The following GRM8 variants were observed in gnomAD, a reference collection of about 807,000 sequenced individuals.
GRM8 encodes the protein glutamate metabotropic receptor 8.
A neutral mutation model predicts 87.2 loss-of-function variants in GRM8; 47 were observed. The observed-to-expected ratio is 0.54, with a 90% CI of 0.43 to 0.69. GRM8 has a LOEUF of 0.69. Ranked by LOEUF, GRM8 falls within the 30% of genes least tolerant of loss-of-function variation. The pLI, the probability that GRM8 is intolerant of heterozygous loss-of-function variation, is 0.00. For missense variants in GRM8, 1,019 were observed against 1,139.2 expected, an observed-to-expected ratio of 0.89 and a Z score of 1.52; for synonymous variants, 396 against 404.5, an observed-to-expected ratio of 0.98 and a Z score of 0.25.
chr7:127,118,324 T>C (rs1459650322), intron 2 of GRM8: 1 of 152,040 alleles, frequency 6.6e-6, no homozygotes. Flanking sequence ...TGACTCAGAG[T>C]CCTTTATTCC....
chr7:126,955,752 AT>A (rs754784462), intron 3 of GRM8, among the ~76,000 whole-genome samples: 1 of 152,110 alleles, frequency 6.6e-6, no homozygotes, highest in East Asian at 1.9e-4. Flanking sequence ...CATTTTAATG[AT>A]TTTTTTCTGC....
chr7:127,172,496 G>A (rs1793868932), intron 2 of GRM8, among the ~76,000 whole-genome samples: 1 of 151,994 alleles, frequency 6.6e-6, no homozygotes, highest in African/African-American at 2.4e-5. Flanking sequence ...TTTGAGGTCA[G>A]GAGTTCAAGA....
chr7:126,830,617 A>G (rs2130399765), intron 6 of GRM8, among the ~76,000 whole-genome samples: 1 of 152,180 alleles, frequency 6.6e-6, no homozygotes, highest in South Asian at 2.1e-4. Flanking sequence ...AATTTTTTTC[A>G]AAGTTTTCAA....
At chr7:126,918,922 G>T (rs1223627160) in intron 3 of GRM8, among the ~76,000 whole-genome samples, 1 of 152,072 alleles carries the variant, frequency 6.6e-6, no homozygotes, top group African/African-American at 2.4e-5. Context: ...ATGACAAAAG[G>T]ATAACAATTT....
intron 8 of GRM8, among the ~76,000 whole-genome samples, chr7:126,566,400 T>C (rs1794219657): frequency 1.3e-5 from 2 of 152,164 alleles, no homozygotes; most frequent in South Asian, 4.1e-4. Context: ...GATCTACAAA[T>C]GGACAATAGC....
intron 3 of GRM8, among the ~76,000 whole-genome samples, chr7:127,055,489 A>T (rs1015909176): frequency 3.3e-5 from 5 of 152,184 alleles, no homozygotes; most frequent in African/African-American, 1.2e-4. Flanking sequence ...TTAAGTCACT[A>T]GTGGGAGCTT....
chr7:127,072,976 T>TCCTTTAC (rs1821871490), intron 3 of GRM8, among the ~76,000 whole-genome samples: 1 of 121,346 alleles, frequency 8.2e-6, no homozygotes. Flanking sequence ...CATCCTCGCT[T>TCCTTTAC]CCTTTTCCCT....
At chr7:126,964,200 A>C (rs911720951) in intron 3 of GRM8, among the ~76,000 whole-genome samples, 1 of 152,202 alleles carries the variant, frequency 6.6e-6, no homozygotes, top group African/African-American at 2.4e-5. Flanking sequence ...TAAGACCTAA[A>C]ACCATAAAAA....
At chr7:126,528,941 T>C (rs1435596743) in intron 9 of GRM8, among the ~76,000 whole-genome samples, 1 of 152,180 alleles carries the variant, frequency 6.6e-6, no homozygotes, top group Non-Finnish European at 1.5e-5. Context: ...CCTACACTCT[T>C]CTGCCCCTAA....
intron 7 of GRM8, among the ~76,000 whole-genome samples, chr7:126,677,688 G>T (rs1340443719): frequency 1.3e-5 from 2 of 152,070 alleles, no homozygotes; most frequent in Non-Finnish European, 1.5e-5. Flanking sequence ...AGACATTGGA[G>T]GCTCAGAAGG....
At chr7:126,986,393 T>C (rs748584879) in intron 3 of GRM8, among the ~76,000 whole-genome samples, 22 of 152,204 alleles carry the variant, frequency 1.4e-4, no homozygotes, top group Non-Finnish European at 2.8e-4. Flanking sequence ...TGTCATATTT[T>C]ATTATGGTTG....
At chr7:126,891,298 A>G (rs954058906) in intron 6 of GRM8, among the ~76,000 whole-genome samples, 2 of 151,928 alleles carry the variant, frequency 1.3e-5, no homozygotes, top group Non-Finnish European at 1.5e-5. Flanking sequence ...CTGGGCCACT[A>G]TCATTTCTGG....
At chr7:126,620,989 G>GA (rs769920891) in intron 7 of GRM8, among the ~76,000 whole-genome samples, 4 of 151,684 alleles carry the variant, frequency 2.6e-5, no homozygotes, top group African/African-American at 9.7e-5. Flanking sequence ...GGAAAAGCAG[G>GA]AAAAAAATAA....
intron 3 of GRM8, among the ~76,000 whole-genome samples, chr7:126,934,628 T>C (rs1359932890): frequency 6.6e-6 from 1 of 152,160 alleles, no homozygotes; most frequent in Non-Finnish European, 1.5e-5. Flanking sequence ...AAATGAGACA[T>C]GGGCAGAAAC....
intron 3 of GRM8, among the ~76,000 whole-genome samples, chr7:126,988,711 G>T (rs1267806228): frequency 1.3e-5 from 2 of 152,176 alleles, no homozygotes; most frequent in Admixed American, 1.3e-4. Context: ...TTTAGTTGAT[G>T]TAAGTAATTC....
At chr7:127,232,170 TTC>T (rs1238940514) in intron 2 of GRM8, among the ~76,000 whole-genome samples, 1 of 150,066 alleles carries the variant, frequency 6.7e-6, no homozygotes, top group Non-Finnish European at 1.5e-5. Context: ...CTGCCATCAG[TTC>T]TGTTTCTTCT....
intron 2 of GRM8, among the ~76,000 whole-genome samples, chr7:127,165,015 A>G (rs938082360): frequency 6.6e-6 from 1 of 151,404 alleles, no homozygotes; most frequent in Non-Finnish European, 1.5e-5. Context: ...CCATTTATTC[A>G]GCAAATATTC....
intron 8 of GRM8, among the ~76,000 whole-genome samples, chr7:126,557,526 C>T (rs1469106417): frequency 6.6e-6 from 1 of 151,712 alleles, no homozygotes; most frequent in Non-Finnish European, 1.5e-5. Context: ...AAGTGGCGAT[C>T]GTAAGAAATT....
intron 3 of GRM8, among the ~76,000 whole-genome samples, chr7:127,078,438 C>T (rs1822514265): frequency 6.6e-6 from 1 of 152,370 alleles, no homozygotes; most frequent in East Asian, 1.9e-4. Context: ...TTCAGAGCAG[C>T]TCCTCCAATC....
Sources: allele counts gnomAD v4.1 joint callset (sites outside exome capture counted in the v4.1 genomes callset), GRCh38; gene constraint gnomAD v4.1.1; transcripts MANE v1.5; gene names NCBI Gene and HGNC (gene_info 2026-07-23, HGNC 2026-07-21).